The following DECR1 variants were observed in gnomAD, a reference collection of about 807,000 sequenced individuals.
DECR1 encodes the protein 2,4-dienoyl-CoA reductase [(3E)-enoyl-CoA-producing], mitochondrial.
In DECR1, 44 loss-of-function variants were observed where a neutral mutation model predicts 38.8. The ratio of observed to expected loss-of-function variants is 1.13; its 90% CI spans 0.89 to 1.46. The LOEUF is 1.46. Ranked by LOEUF, DECR1 falls within the 40% of genes most tolerant of loss-of-function variation. DECR1 has a pLI of 0.00. For missense variants in DECR1, 428 were observed against 405.5 expected (o/e 1.06, Z -0.48); for synonymous variants, 148 against 135.2 (o/e 1.09, Z -0.66).
At chr8:90,049,658 C>G (rs899404179) in intron 8 of DECR1, among the ~76,000 whole-genome samples, 1 of 152,142 alleles carries the variant, frequency 6.6e-6, no homozygotes, top group African/African-American at 2.4e-5. Context: ...ACTTTCTTCA[C>G]AGAATTGGAA....
intron 1 of DECR1, among the ~76,000 whole-genome samples, chr8:90,012,466 T>G (rs1812910389): frequency 6.6e-6 from 1 of 152,102 alleles, no homozygotes; most frequent in South Asian, 2.1e-4. Context: ...TGATTTAGAT[T>G]TTCTATTCTT....
At chr8:90,026,648 A>G (rs1048771291) in intron 5 of DECR1, among the ~76,000 whole-genome samples, 20 of 151,954 alleles carry the variant, frequency 1.3e-4, no homozygotes, top group South Asian at 2.1e-4. Context: ...CAGTCTATCA[A>G]TTTTGTTGAC....
At chr8:90,041,720 G>A (rs998455522) in intron 6 of DECR1, among the ~76,000 whole-genome samples, 1 of 152,118 alleles carries the variant, frequency 6.6e-6, no homozygotes, top group Non-Finnish European at 1.5e-5. Context: ...GTCATGGGAA[G>A]AATAGATACA....
At chr8:90,042,698 A>C in intron 6 of DECR1, 30 bp from the exon 7 acceptor site, 2 of 1,577,478 alleles carry the variant, frequency 1.3e-6, no homozygotes, top group Non-Finnish European at 1.7e-6. Flanking sequence ...ATAATATTTC[A>C]GAATGTATGT....
intron 8 of DECR1, among the ~76,000 whole-genome samples, chr8:90,049,042 AAAT>A (rs1563660914): frequency 1.3e-5 from 2 of 152,196 alleles, no homozygotes; most frequent in Non-Finnish European, 2.9e-5. Flanking sequence ...ACATGCCTCA[AAAT>A]AATAAGAGCT....
intron 5 of DECR1, among the ~76,000 whole-genome samples, chr8:90,025,149 G>A (rs917913073): frequency 6.6e-5 from 10 of 152,166 alleles, no homozygotes; most frequent in African/African-American, 2.4e-4. Context: ...TTGAAGTGAG[G>A]TAGTATGATG....
chr8:90,019,403 T>C (rs1264433383), intron 4 of DECR1, among the ~76,000 whole-genome samples: 1 of 152,206 alleles, frequency 6.6e-6, no homozygotes, highest in Non-Finnish European at 1.5e-5. Context: ...TCTGTGACTG[T>C]TCCTTCAGAG....
intron 5 of DECR1, among the ~76,000 whole-genome samples, chr8:90,031,031 T>G (rs1813480927): frequency 6.6e-6 from 1 of 152,176 alleles, no homozygotes; most frequent in South Asian, 2.1e-4. Context: ...TTTTTCTTTC[T>G]AAGTAGTAAT....
intron 1 of DECR1, among the ~76,000 whole-genome samples, chr8:90,007,850 C>T (rs917967862): frequency 9.2e-5 from 14 of 152,258 alleles, no homozygotes; most frequent in South Asian, 2.1e-4. Flanking sequence ...AGCTGTCCTG[C>T]GCTCTTCTCT....
Position 90,052,754 on chromosome 8 carries a change from A to G in DECR1, c.*857A>G, listed in dbSNP as rs1814129789. Among the ~76,000 whole-genome samples, 1 of 152,234 alleles carries G rather than the reference A, an allele frequency of 6.6e-6. No individual in the cohort carries two copies. Among genetic ancestry groups the G allele is most frequent in the Non-Finnish European group, 1.5e-5 (1 of 68,044 alleles). On this transcript the variant is annotated 3_prime_UTR_variant, in exon 10 of 10. Transcript: ENST00000220764. ...TAATTTGTCATCCTGAAAATCAAAT[A>G]ATAATGAATCCAAAGTCTCAAGTCT... is the stretch of plus-strand genomic sequence containing the variant.
chr8:90,025,925 G>A (rs907754197), intron 5 of DECR1, among the ~76,000 whole-genome samples: 5 of 152,108 alleles, frequency 3.3e-5, no homozygotes, highest in African/African-American at 1.2e-4. Flanking sequence ...AGAGTTTTTA[G>A]CATGAAGGGC....
Position 90,052,156 on chromosome 8 carries a change from T to C in DECR1, c.*259T>C, listed in dbSNP as rs1586172737. 2 of 400,064 alleles carry C rather than the reference T, an allele frequency of 5.0e-6. No individual in the cohort carries two copies. The highest frequency in any genetic ancestry group is 8.9e-6 in the Non-Finnish European group (2 of 225,832). The allele number at this position is 400,064 out of a possible 1,614,324, so 24.8% of individuals were successfully genotyped here. ...GCTCCTCTTTACCTATTGATAGAGG[T>C]AAAAAGTACTTAGAAGTGCAGAGAG... is the stretch of plus-strand genomic sequence containing the variant. On this transcript the variant is annotated 3_prime_UTR_variant, in exon 10 of 10. Transcript: ENST00000220764.
chr8:90,022,332 A>G (rs1267642495), intron 5 of DECR1, among the ~76,000 whole-genome samples: 1 of 152,148 alleles, frequency 6.6e-6, no homozygotes. Flanking sequence ...GAGAGATGCT[A>G]CAGAGGCACT....
In DECR1 at chr8:90,050,683, G is replaced by A. The variant is rs138026832; in HGVS notation, c.886-994G>A. 1.9e-3 allele frequency among the ~76,000 whole-genome samples: 296 copies of A among 152,176 alleles called. 5 individuals carry two copies. The East Asian group carries it at 0.043, about 22-fold the overall frequency. The stretch of plus-strand genomic sequence containing the variant: ...GCCATCCCATTACTGGGTATATACC[G>A]AAAGAATTATAAATCATGGTGCTAT... On this transcript the variant is annotated intron_variant, in intron 8 of 9. Transcript: ENST00000220764.
At chr8:90,025,069 C>T (rs1302588557) in intron 5 of DECR1, among the ~76,000 whole-genome samples, 1 of 152,120 alleles carries the variant, frequency 6.6e-6, no homozygotes, top group Non-Finnish European at 1.5e-5. Flanking sequence ...CTGTTCTGTT[C>T]CATTGATCTA....
At chr8:90,038,420 A>G (rs1005584435) in intron 6 of DECR1, among the ~76,000 whole-genome samples, 6 of 151,154 alleles carry the variant, frequency 4.0e-5, no homozygotes, top group Non-Finnish European at 5.9e-5. Flanking sequence ...TAATATACCA[A>G]TGTAGCAGAG....
chr8:90,031,056 C>A (rs1027479768), intron 5 of DECR1, among the ~76,000 whole-genome samples: 2 of 152,022 alleles, frequency 1.3e-5, no homozygotes, highest in African/African-American at 4.8e-5. Context: ...AATTTCTTGG[C>A]AAGGCAGTAG....
At chr8:90,013,383 C>G (rs900585427) in intron 1 of DECR1, among the ~76,000 whole-genome samples, 1 of 147,456 alleles carries the variant, frequency 6.8e-6, no homozygotes, top group South Asian at 2.1e-4. Context: ...AAAATAAAAG[C>G]CTTGCCTCTT....
At chr8:90,035,663 A>G (rs186357144) in intron 5 of DECR1, among the ~76,000 whole-genome samples, 1 of 152,054 alleles carries the variant, frequency 6.6e-6, no homozygotes. Context: ...CTCTTTGTCT[A>G]TTAATCATTT....
Sources: gnomAD v4.1 joint callset for allele counts (sites outside exome capture counted in the v4.1 genomes callset) on GRCh38, gnomAD v4.1.1 for gene constraint, MANE v1.5 for transcripts, NCBI Gene and HGNC (gene_info 2026-07-23, HGNC 2026-07-21) for gene names.